Variants in TXNDC16 observed in about 807,000 individuals in gnomAD.
TXNDC16 encodes the protein thioredoxin domain-containing protein 16.
TXNDC16 carries 74 observed loss-of-function variants against 85.6 expected under a neutral mutation model. The observed-to-expected ratio is 0.86, with a 90% CI of 0.72 to 1.05. The LOEUF (loss-of-function observed/expected upper bound fraction) is 1.05. Among genes scored for constraint, TXNDC16 ranks in the 50% least tolerant of loss-of-function variants. The pLI, the probability that TXNDC16 is intolerant of heterozygous loss-of-function variation, is 0.00. For synonymous variants in TXNDC16, 335 were observed against 326.5 expected (o/e 1.03, Z -0.28); for missense variants, 959 against 947.0 (o/e 1.01, Z -0.17).
chr14:52,450,616 G>A (rs1477624581), intron 18 of TXNDC16, among the ~76,000 whole-genome samples: 2 of 151,978 alleles, frequency 1.3e-5, no homozygotes, highest in Admixed American at 6.6e-5. Flanking sequence ...AATAACAGAT[G>A]TTGGCATGGA....
chr14:52,536,029 A>G (rs1400377274), intron 6 of TXNDC16, among the ~76,000 whole-genome samples: 2 of 152,034 alleles, frequency 1.3e-5, no homozygotes, highest in Non-Finnish European at 2.9e-5. Flanking sequence ...ATCTCAAAAC[A>G]AAAAACAAAA....
intron 3 of TXNDC16, among the ~76,000 whole-genome samples, 185 bp from the exon 4 acceptor site, chr14:52,542,638 A>G (rs1316903222): frequency 2.0e-5 from 3 of 152,138 alleles, no homozygotes; most frequent in African/African-American, 7.2e-5. Flanking sequence ...TTCTGTTTTT[A>G]TCATGATGTA....
At chr14:52,450,878 TATAC>T (rs758633800) in intron 18 of TXNDC16, among the ~76,000 whole-genome samples, 216 of 123,702 alleles carry the variant, frequency 1.7e-3, no homozygotes, top group South Asian at 8.9e-3. Context: ...TATATATATA[TATAC>T]ACACACACAC....
At chr14:52,446,995 G>A (rs2035299336) in intron 18 of TXNDC16, among the ~76,000 whole-genome samples, 1 of 151,742 alleles carries the variant, frequency 6.6e-6, no homozygotes, top group South Asian at 2.1e-4. Flanking sequence ...GTGGCTATGG[G>A]GTGAGACTCC....
chr14:52,551,311 CA>C (rs200262401), intron 1 of TXNDC16, among the ~76,000 whole-genome samples: 23,908 of 139,342 alleles, frequency 0.17, 1,894 homozygotes, highest in Admixed American at 0.22. Context: ...TCGTCTCTAC[CA>C]AAAAAAAAAA....
intron 18 of TXNDC16, among the ~76,000 whole-genome samples, chr14:52,441,420 C>A (rs1191411318): frequency 6.6e-6 from 1 of 151,994 alleles, no homozygotes; most frequent in African/African-American, 2.4e-5. Context: ...ACCAGCCTCA[C>A]CAACATGGCA....
intron 9 of TXNDC16, among the ~76,000 whole-genome samples, chr14:52,506,649 C>T (rs201076366): frequency 0.081 from 11,323 of 139,858 alleles, 818 homozygotes; most frequent in East Asian, 0.14. Flanking sequence ...CTCCGCTTCC[C>T]GGGTTCACGC....
intron 20 of TXNDC16, among the ~76,000 whole-genome samples, chr14:52,438,706 A>G (rs1276313161): frequency 6.6e-6 from 1 of 152,156 alleles, no homozygotes; most frequent in East Asian, 1.9e-4. Flanking sequence ...TGTACTTAGA[A>G]CCAGAATTTT....
chr14:52,530,235 A>G (rs1421167064), intron 6 of TXNDC16, among the ~76,000 whole-genome samples: 3 of 67,892 alleles, frequency 4.4e-5, no homozygotes, highest in African/African-American at 2.1e-4. Context: ...AATATTACAT[A>G]TAATAATATA....
At chr14:52,485,833 C>T (rs2036255966) in intron 12 of TXNDC16, among the ~76,000 whole-genome samples, 1 of 152,136 alleles carries the variant, frequency 6.6e-6, no homozygotes, top group African/African-American at 2.4e-5. Context: ...CCTAATGATG[C>T]ATTTCTCAGA....
intron 7 of TXNDC16, among the ~76,000 whole-genome samples, chr14:52,517,121 T>C (rs2037101541): frequency 1.3e-5 from 2 of 152,006 alleles, no homozygotes; most frequent in Admixed American, 1.3e-4. Context: ...AGCACACAAC[T>C]CTAACCCATC....
chr14:52,533,427 G>A (rs1243275254), intron 6 of TXNDC16, among the ~76,000 whole-genome samples: 4 of 151,976 alleles, frequency 2.6e-5, no homozygotes, highest in African/African-American at 7.3e-5. Flanking sequence ...ATTATACAAC[G>A]GTCACAGAAT....
intron 19 of TXNDC16, 89 bp from the exon 20 acceptor site, chr14:52,439,483 TAGTA>T: frequency 8.6e-7 from 1 of 1,167,580 alleles, no homozygotes; most frequent in Non-Finnish European, 1.2e-6. Context: ...AACTTTTAAG[TAGTA>T]TCATGCCAGT....
At chr14:52,526,679 A>G (rs932606387) in intron 6 of TXNDC16, among the ~76,000 whole-genome samples, 1 of 152,210 alleles carries the variant, frequency 6.6e-6, no homozygotes, top group Non-Finnish European at 1.5e-5. Context: ...CATCCTTACA[A>G]TCTCCACCAA....
intron 6 of TXNDC16, among the ~76,000 whole-genome samples, chr14:52,530,921 T>C (rs1378894330): frequency 6.6e-6 from 1 of 151,886 alleles, no homozygotes; most frequent in East Asian, 1.9e-4. Flanking sequence ...CTGGCTTGTC[T>C]GGGAGAAAAT....
intron 12 of TXNDC16, among the ~76,000 whole-genome samples, chr14:52,485,498 T>C (rs1281228972): frequency 6.6e-6 from 1 of 152,204 alleles, no homozygotes; most frequent in Non-Finnish European, 1.5e-5. Context: ...AATAATGTAA[T>C]GTTCTAGGCC....
At chr14:52,473,444 C>T (rs916710055) in intron 14 of TXNDC16, among the ~76,000 whole-genome samples, 7 of 152,154 alleles carry the variant, frequency 4.6e-5, no homozygotes, top group Non-Finnish European at 1.0e-4. Flanking sequence ...GCATCCTCAG[C>T]ATGTCTACTA....
intron 13 of TXNDC16, among the ~76,000 whole-genome samples, chr14:52,482,494 T>C (rs1320751204): frequency 1.3e-5 from 2 of 152,138 alleles, no homozygotes; most frequent in Non-Finnish European, 1.5e-5. Context: ...GCAAGGAATA[T>C]AGCTAAATGG....
chr14:52,495,484 T>TA (rs2036510068), intron 9 of TXNDC16, among the ~76,000 whole-genome samples: 1 of 152,134 alleles, frequency 6.6e-6, no homozygotes, highest in Non-Finnish European at 1.5e-5. Context: ...TCAAGACAGT[T>TA]ACAAAAGCCC....
Sources: allele counts gnomAD v4.1 joint callset (sites outside exome capture counted in the v4.1 genomes callset), GRCh38; gene constraint gnomAD v4.1.1; transcripts MANE v1.5; gene names NCBI Gene and HGNC (gene_info 2026-07-23, HGNC 2026-07-21).